CREM: variants seen among roughly 807,000 people sequenced by gnomAD.
CREM encodes cAMP responsive element modulator.
In CREM, 13 loss-of-function variants were observed where a neutral mutation model predicts 37.3. The ratio of observed to expected loss-of-function variants is 0.35; its 90% CI spans 0.23 to 0.55. The LOEUF is 0.55. Ranked by LOEUF, CREM falls within the 20% of genes least tolerant of loss-of-function variation. The pLI is 0.88. For synonymous variants in CREM, 124 were observed against 120.2 expected (o/e 1.03, Z -0.21); for missense variants, 296 against 362.3 (o/e 0.82, Z 1.49).
chr10:35,155,855 T>C (rs2092869724), intron 3 of CREM, among the ~76,000 whole-genome samples: 1 of 151,902 alleles, frequency 6.6e-6, no homozygotes, highest in Non-Finnish European at 1.5e-5. Flanking sequence ...GATCTTGATC[T>C]CCTGACCTTG....
At chr10:35,161,877 A>G (rs932822330) in intron 3 of CREM, among the ~76,000 whole-genome samples, 1 of 152,240 alleles carries the variant, frequency 6.6e-6, no homozygotes, top group African/African-American at 2.4e-5. Context: ...GTTCCTCCAG[A>G]TATGAAAAAT....
At chr10:35,198,611 C>T (rs1181583369) in intron 6 of CREM, among the ~76,000 whole-genome samples, 2 of 151,572 alleles carry the variant, frequency 1.3e-5, no homozygotes, top group Non-Finnish European at 2.9e-5. Context: ...TAGAAATTGC[C>T]TTTGTTTTAT....
In CREM at chr10:35,178,941, A is replaced by C. The variant is rs762647846; in HGVS notation, c.221A>C (p.Asp74Ala). The change falls in exon 4 of 8, where the codon GAT (aspartate) becomes GCT (alanine). Residue 74 changes from aspartate (D) to alanine (A), a missense_variant. Physicochemically the swap from Asp to Ala is moderately radical, Grantham distance 126. Around this residue, in one of 2 missense-constraint regions of CREM, gnomAD observed 257 missense variants for 280.2 expected, o/e 0.92. Coordinates refer to ENST00000685392, the MANE Select transcript of CREM (RefSeq NM_183011.2). Reference sequence around the variant, plus strand: ...TCTGCAGAATCAGAAGGTGTAATTGATTCTCATAAACGTAGAGAAATCCTT... The same window carrying C: ...TCTGCAGAATCAGAAGGTGTAATTGCTTCTCATAAACGTAGAGAAATCCTT... ...DESAESEGVI[D>A]SHKRREILSR... 6.2e-7 allele frequency: 1 copy of C among 1,613,674 alleles called. No individual in the cohort carries two copies.
intron 3 of CREM, chr10:35,175,563 G>A: frequency 9.9e-7 from 1 of 1,006,988 alleles, no homozygotes. Flanking sequence ...TCGTAGTGAG[G>A]TAGTTTAACT....
chr10:35,140,582 A>G (rs1312778418), intron 2 of CREM, among the ~76,000 whole-genome samples: 1 of 152,232 alleles, frequency 6.6e-6, no homozygotes, highest in Non-Finnish European at 1.5e-5. Flanking sequence ...AATCTATAAG[A>G]TGGGATCCCT....
At chr10:35,148,307 C>G in intron 2 of CREM, 61 bp from the exon 3 acceptor site, 1 of 1,505,372 alleles carries the variant, frequency 6.6e-7, no homozygotes, top group African/African-American at 1.4e-5. Flanking sequence ...GATGTTCAAC[C>G]TGTATTTCCA....
chr10:35,185,796 C>G (rs756182787), intron 5 of CREM, among the ~76,000 whole-genome samples: 1 of 152,184 alleles, frequency 6.6e-6, no homozygotes, highest in African/African-American at 2.4e-5. Flanking sequence ...GTAACTGACT[C>G]TTCAGTTTCT....
chr10:35,150,987 A>C (rs960582620), intron 3 of CREM, among the ~76,000 whole-genome samples: 1 of 152,120 alleles, frequency 6.6e-6, no homozygotes, highest in Non-Finnish European at 1.5e-5. Context: ...GTGGACAGAA[A>C]CTAGGTTTTA....
At chr10:35,143,116 G>A (rs976292585) in intron 2 of CREM, among the ~76,000 whole-genome samples, 13 of 152,128 alleles carry the variant, frequency 8.5e-5, no homozygotes, top group Middle Eastern at 3.4e-3. Context: ...GATTACAGGC[G>A]CCTGCCACCA....
intron 3 of CREM, chr10:35,154,114 G>T: frequency 2.5e-6 from 1 of 398,528 alleles, no homozygotes; most frequent in Non-Finnish European, 4.4e-6. Context: ...ATGCCATCGG[G>T]GATTGAAGTA....
At chr10:35,151,991 A>G (rs1038527258) in intron 3 of CREM, among the ~76,000 whole-genome samples, 6 of 152,196 alleles carry the variant, frequency 3.9e-5, no homozygotes, top group African/African-American at 1.4e-4. Flanking sequence ...TAACCCTATG[A>G]TGTATGCCAA....
intron 3 of CREM, chr10:35,154,126 G>T (rs2092755767): frequency 2.5e-6 from 1 of 398,574 alleles, no homozygotes; most frequent in South Asian, 1.3e-4. Context: ...ATTGAAGTAG[G>T]AACGATTTAA....
At chr10:35,198,447 CG>C (rs1377525381) in intron 6 of CREM, among the ~76,000 whole-genome samples, 4 of 151,136 alleles carry the variant, frequency 2.6e-5, no homozygotes, top group Non-Finnish European at 5.9e-5. Flanking sequence ...GGCTTGAAAC[CG>C]GGAGGCAGAG....
At chr10:35,179,385 AT>A (rs1289982593) in intron 5 of CREM, 109 bp downstream of exon 5, 1 of 1,211,948 alleles carries the variant, frequency 8.3e-7, no homozygotes, top group East Asian at 2.4e-5. Context: ...AAAATGCATC[AT>A]TAATACCTAA....
chr10:35,146,891 G>GA (rs1332705841), intron 2 of CREM, among the ~76,000 whole-genome samples: 1 of 152,040 alleles, frequency 6.6e-6, no homozygotes, highest in African/African-American at 2.4e-5. Flanking sequence ...ATTAAATCTG[G>GA]AAAAACAACT....
At chr10:35,182,606 A>T (rs2133306803) in intron 5 of CREM, among the ~76,000 whole-genome samples, 1 of 152,356 alleles carries the variant, frequency 6.6e-6, no homozygotes, top group East Asian at 1.9e-4. Context: ...GTTTTCCCAT[A>T]TACAAGCAGT....
At chr10:35,139,465 A>C (rs1159441170) in intron 2 of CREM, among the ~76,000 whole-genome samples, 1 of 152,076 alleles carries the variant, frequency 6.6e-6, no homozygotes, top group Non-Finnish European at 1.5e-5. Flanking sequence ...TGTGGAACCA[A>C]ATATTTGCCA....
intron 3 of CREM, chr10:35,171,290 G>A (rs1233336734): frequency 6.9e-6 from 1 of 145,796 alleles, no homozygotes; most frequent in African/African-American, 2.5e-5. Context: ...TCATGCCTCA[G>A]CCTCATGAGT....
intron 2 of CREM, among the ~76,000 whole-genome samples, chr10:35,142,202 G>T (rs184960317): frequency 6.6e-6 from 1 of 152,308 alleles, no homozygotes. Context: ...GTGGATTTGT[G>T]GCTATGTGTA....
Sources: gnomAD v4.1 joint callset for allele counts (sites outside exome capture counted in the v4.1 genomes callset) on GRCh38, gnomAD v4.1.1 for gene constraint, gnomAD v4.1.1 regional missense constraint, MANE v1.5 for transcripts, NCBI Gene and HGNC (gene_info 2026-07-23, HGNC 2026-07-21) for gene names.